PTPRD: variants seen among roughly 807,000 people sequenced by gnomAD.
The protein encoded by PTPRD is receptor-type tyrosine-protein phosphatase delta.
Under a neutral mutation model 214.5 loss-of-function variants are expected in PTPRD, and 34 were observed. The observed-to-expected ratio is 0.16, with a 90% CI of 0.12 to 0.21. The LOEUF (loss-of-function observed/expected upper bound fraction) is 0.21, where lower values mean the gene tolerates loss of function less well. Ranked by LOEUF, PTPRD falls within the 10% of genes least tolerant of loss-of-function variation. PTPRD has a pLI of 1.00. For synonymous variants in PTPRD, 1,128 were observed against 845.7 expected (o/e 1.33, Z -5.79); for missense variants, 2,545 against 2,398.7 (o/e 1.06, Z -1.27).
intron 10 of PTPRD, among the ~76,000 whole-genome samples, chr9:9,071,979 C>T (rs1195250062): frequency 6.6e-6 from 1 of 152,124 alleles, no homozygotes; most frequent in Non-Finnish European, 1.5e-5. Context: ...TCACACATCA[C>T]ACCCCTTCCT....
At chr9:10,321,458 G>A (rs2096550953) in intron 3 of PTPRD, among the ~76,000 whole-genome samples, 1 of 152,034 alleles carries the variant, frequency 6.6e-6, no homozygotes. Flanking sequence ...CAAAGAAACA[G>A]AGAAGCTTAA....
chr9:10,202,001 A>G lies in PTPRD; in HGVS notation c.-545+138962T>C, dbSNP rs1260315879. Among the ~76,000 whole-genome samples, 8 of 152,092 alleles carry G rather than the reference A, an allele frequency of 5.3e-5. No individual in the cohort carries two copies. The South Asian group carries it at 8.3e-4, about 16-fold the overall frequency. Reference sequence around the variant, plus strand: ...CAATTATTTGGCAACATGTTTTCCAATATATTTTGAACAGTTGATCATTCA... The same window carrying G: ...CAATTATTTGGCAACATGTTTTCCAGTATATTTTGAACAGTTGATCATTCA... On this transcript the variant is annotated intron_variant, in intron 3 of 45. Transcript: ENST00000381196.
intron 11 of PTPRD, among the ~76,000 whole-genome samples, chr9:8,851,931 T>A (rs1347864640): frequency 1.3e-5 from 2 of 152,206 alleles, no homozygotes; most frequent in African/African-American, 4.8e-5. Context: ...TTCTTTAGCA[T>A]CATCTTAATA....
At chr9:10,569,247 C>T (rs923506821) in intron 2 of PTPRD, among the ~76,000 whole-genome samples, 13 of 152,016 alleles carry the variant, frequency 8.6e-5, no homozygotes, top group African/African-American at 1.2e-4. Flanking sequence ...GTTAGAATGG[C>T]GATGATTAAA....
intron 11 of PTPRD, among the ~76,000 whole-genome samples, chr9:8,814,489 G>C (rs1209322354): frequency 6.6e-6 from 1 of 152,122 alleles, no homozygotes; most frequent in Non-Finnish European, 1.5e-5. Context: ...CCCCAGAAAG[G>C]GTGAGGTCAA....
intron 3 of PTPRD, among the ~76,000 whole-genome samples, chr9:10,202,139 A>G (rs753193475): frequency 6.6e-6 from 1 of 152,284 alleles, no homozygotes; most frequent in Non-Finnish European, 1.5e-5. Flanking sequence ...AAATTTCTAC[A>G]GTGCTTTTAT....
At chr9:9,609,765 A>T (rs1185969460) in intron 7 of PTPRD, among the ~76,000 whole-genome samples, 4 of 152,154 alleles carry the variant, frequency 2.6e-5, no homozygotes, top group Non-Finnish European at 5.9e-5. Context: ...ACCTGGCACA[A>T]TGTGAACTTT....
At chr9:9,846,691 G>A (rs1329032903) in intron 5 of PTPRD, among the ~76,000 whole-genome samples, 1 of 152,092 alleles carries the variant, frequency 6.6e-6, no homozygotes, top group Non-Finnish European at 1.5e-5. Flanking sequence ...TACCCAGCTT[G>A]TTATTCTGCC....
intron 9 of PTPRD, among the ~76,000 whole-genome samples, chr9:9,196,386 G>T (rs2099938640): frequency 5.3e-5 from 8 of 152,062 alleles, no homozygotes; most frequent in Admixed American, 5.2e-4. Flanking sequence ...AAATAATTCA[G>T]AAATGAACAA....
At chr9:8,497,291 G>C (rs770823041) in intron 25 of PTPRD, 23 bp from the exon 26 acceptor site, 8 of 1,579,556 alleles carry the variant, frequency 5.1e-6, no homozygotes, top group South Asian at 1.2e-5. Flanking sequence ...AAGAAGGTTG[G>C]GAGGAAAACA....
At chr9:9,391,563 C>G (rs1349811716) in intron 9 of PTPRD, among the ~76,000 whole-genome samples, 1 of 152,096 alleles carries the variant, frequency 6.6e-6, no homozygotes. Context: ...GTACAATTAT[C>G]TGTTTTGCAT....
At chr9:9,569,521 G>C (rs1344048103) in intron 8 of PTPRD, among the ~76,000 whole-genome samples, 1 of 151,532 alleles carries the variant, frequency 6.6e-6, no homozygotes, top group African/African-American at 2.4e-5. Flanking sequence ...CCATTGAAAG[G>C]CTTTAGTAAG....
chr9:9,790,989 A>G (rs953741596), intron 5 of PTPRD, among the ~76,000 whole-genome samples: 1 of 152,204 alleles, frequency 6.6e-6, no homozygotes, highest in Non-Finnish European at 1.5e-5. Flanking sequence ...TCATAAATAT[A>G]TATAATGAAC....
intron 2 of PTPRD, among the ~76,000 whole-genome samples, chr9:10,535,606 T>A (rs541043045): frequency 1.1e-4 from 16 of 152,142 alleles, no homozygotes; most frequent in East Asian, 9.7e-4. Context: ...TAGCCTTTTT[T>A]AAAAAAAGTC....
intron 11 of PTPRD, among the ~76,000 whole-genome samples, chr9:8,808,864 C>G (rs1326383095): frequency 6.6e-6 from 1 of 152,090 alleles, no homozygotes; most frequent in Non-Finnish European, 1.5e-5. Flanking sequence ...AAGAGCTCCC[C>G]AGATGCCTTA....
intron 40 of PTPRD, 76 bp from the exon 41 acceptor site, chr9:8,341,344 C>G: frequency 7.1e-7 from 1 of 1,416,108 alleles, no homozygotes; most frequent in Non-Finnish European, 9.5e-7. Context: ...GCAGTGTACC[C>G]CAGATTTCCC....
intron 8 of PTPRD, among the ~76,000 whole-genome samples, chr9:9,432,978 T>A (rs545251533): frequency 6.6e-6 from 1 of 152,238 alleles, no homozygotes; most frequent in African/African-American, 2.4e-5. Flanking sequence ...GCCGCTGAAA[T>A]AGTCACTGTG....
At chr9:8,718,616 C>T (rs2098461146) in intron 12 of PTPRD, among the ~76,000 whole-genome samples, 1 of 152,120 alleles carries the variant, frequency 6.6e-6, no homozygotes, top group African/African-American at 2.4e-5. Flanking sequence ...TCATATTAAG[C>T]CAAGAGTTTT....
At chr9:9,601,339 T>G (rs1234642542) in intron 7 of PTPRD, among the ~76,000 whole-genome samples, 3 of 152,018 alleles carry the variant, frequency 2.0e-5, no homozygotes. Context: ...TTGCTAATTT[T>G]CCAGGAACAG....
Sources: gnomAD v4.1 joint callset for allele counts (sites outside exome capture counted in the v4.1 genomes callset) on GRCh38, gnomAD v4.1.1 for gene constraint, MANE v1.5 for transcripts, NCBI Gene and HGNC (gene_info 2026-07-23, HGNC 2026-07-21) for gene names.